Variants in SLC14A2 observed in about 807,000 individuals in gnomAD.
The protein encoded by SLC14A2 is urea transporter 2.
SLC14A2 carries 91 observed loss-of-function variants against 104.6 expected under a neutral mutation model. The observed-to-expected ratio is 0.87, with a 90% CI of 0.73 to 1.04. SLC14A2 has a LOEUF of 1.04. SLC14A2 is among the 50% of genes least tolerant of loss of function. The pLI, the probability that SLC14A2 is intolerant of heterozygous loss-of-function variation, is 0.00. For missense variants in SLC14A2, 1,189 were observed against 1,156.0 expected (o/e 1.03, Z -0.41); for synonymous variants, 476 against 466.4 (o/e 1.02, Z -0.27).
At chr18:45,536,179 A>C (rs2043778684) in intron 2 of SLC14A2, among the ~76,000 whole-genome samples, 1 of 152,140 alleles carries the variant, frequency 6.6e-6, no homozygotes, top group Non-Finnish European at 1.5e-5. Flanking sequence ...TTGTGCCCTG[A>C]GGTGGTGTCC....
intron 1 of SLC14A2, among the ~76,000 whole-genome samples, chr18:45,308,832 T>C (rs9952980): frequency 0.49 from 74,188 of 152,162 alleles, 22,267 homozygotes; most frequent in African/African-American, 0.86. Context: ...CTTTAAAATG[T>C]CACCATGACC....
the SLC14A2 span, among the ~76,000 whole-genome samples, chr18:45,202,033 T>C: frequency 1.3e-5 from 2 of 152,252 alleles, no homozygotes; most frequent in African/African-American, 4.8e-5. Flanking sequence ...CTTGGAGATA[T>C]ACTAAATTTC....
chr18:45,192,650 T>C, the SLC14A2 span, among the ~76,000 whole-genome samples: 1 of 148,286 alleles, frequency 6.7e-6, no homozygotes, highest in African/African-American at 2.6e-5. Context: ...TTTTTTTGTT[T>C]TGTTTTGTTT....
rs1167655152 is a variant in SLC14A2 at position 45,663,891 on chromosome 18, T to A, written c.1458T>A (p.Ile486=). ...RSVFHIEWSS[I]RRRSKVFGKG... is the part of the protein sequence containing the mutation. ...TATTTCACATCGAGTGGTCATCCAT[T>A]CGGAGGAGGAGCAAAGGTGTGCATG... Residue 486 remains isoleucine (I), a synonymous_variant, in exon 11 of 20, where the codon ATT becomes ATA. Coordinates refer to ENST00000255226, the MANE Select transcript of SLC14A2 (RefSeq NM_007163.4). 3.1e-6 allele frequency: 5 copies of A among 1,613,022 alleles called. No individual in the cohort carries two copies. In the African/African-American group the frequency reaches 6.7e-5, roughly 22 times the overall value.
Position 45,315,736 on chromosome 18 carries a change from T to C in SLC14A2, c.-125+102545T>C, listed in dbSNP as rs141290282. The stretch of plus-strand genomic sequence containing the variant: ...CAAGTGGTCCACAAACCCTCCACTA[T>C]CCTCAAGCAGGCATCACATAGTAGT... On this transcript the variant is annotated intron_variant, in intron 1 of 20. Coordinates refer to the SLC14A2 transcript ENST00000586448. Among the ~76,000 whole-genome samples, 25 of 152,282 alleles carry C rather than the reference T, an allele frequency of 1.6e-4. No individual in the cohort carries two copies. In the East Asian group the frequency reaches 3.9e-3, roughly 24 times the overall value.
intron 1 of SLC14A2, among the ~76,000 whole-genome samples, chr18:45,412,092 G>A (rs774555289): frequency 4.2e-4 from 64 of 152,176 alleles, no homozygotes; most frequent in Non-Finnish European, 7.8e-4. Context: ...CAAGTATTTT[G>A]TTGTTGTTAG....
chr18:45,252,334 T>A (rs940323906), intron 1 of SLC14A2, among the ~76,000 whole-genome samples: 1 of 152,224 alleles, frequency 6.6e-6, no homozygotes, highest in African/African-American at 2.4e-5. Flanking sequence ...CCTCAGAAAT[T>A]ATCTGTATCT....
rs201837052 is a variant in SLC14A2, at chr18:45,608,442, G to A, written c.-34-16189G>A. Among the ~76,000 whole-genome samples the A allele has an allele frequency of 9.8e-5, 15 of 152,314 alleles. No homozygotes were observed. The South Asian group carries it at 1.2e-3, about 13-fold the overall frequency. On this transcript the variant is annotated intron_variant, in intron 2 of 20. Transcript: ENST00000586448. Reference sequence around the variant, plus strand: ...AGGATTCTGTGCCCAACATGGCTCCGGAGTAAGTAGAAGAGCTGCAATTTG... The same window carrying A: ...AGGATTCTGTGCCCAACATGGCTCCAGAGTAAGTAGAAGAGCTGCAATTTG...
chr18:45,414,862 CA>C (rs2086259342), intron 1 of SLC14A2, among the ~76,000 whole-genome samples: 1 of 147,198 alleles, frequency 6.8e-6, no homozygotes, highest in Non-Finnish European at 1.5e-5. Context: ...TGTAATTCCC[CA>C]GCCTTCCCTT....
chr18:45,669,462 G>A lies in SLC14A2; in HGVS notation c.2193G>A (p.Met731Ile), dbSNP rs113612322. ...CGCTGCTGCAGCCTGCATCCGCCAT[G>A]CCCAACATCACCTGGTCAGAGGTCC... The part of the protein sequence containing the change: ...PTTLLQPASA[M>I]PNITWSEVQV... Residue 731 changes from methionine (M) to isoleucine (I), a missense_variant, in exon 16 of 20, where the codon ATG (methionine) becomes ATA (isoleucine). Met to Ile is a conservative substitution (Grantham distance 10, BLOSUM62 1). Coordinates refer to ENST00000255226, the MANE Select transcript of SLC14A2 (RefSeq NM_007163.4). The A allele has an allele frequency of 3.7e-6, 6 of 1,613,948 alleles. No individual in the cohort carries two copies. In the African/African-American group the frequency reaches 4.0e-5, roughly 11 times the overall value.
intron 1 of SLC14A2, among the ~76,000 whole-genome samples, chr18:45,439,932 C>T (rs1235579114): frequency 6.6e-6 from 1 of 152,196 alleles, no homozygotes; most frequent in Non-Finnish European, 1.5e-5. Context: ...AAGACCATTT[C>T]CTTACAGGAG....
In SLC14A2 at chr18:45,669,354, C is replaced by T; in HGVS notation, c.2085C>T (p.Leu695=). 6.2e-7 allele frequency: 1 copy of T among 1,614,132 alleles called. No homozygotes were observed. The highest frequency in any genetic ancestry group is 8.5e-7 in the Non-Finnish European group (1 of 1,179,972). The stretch of plus-strand genomic sequence containing the variant: ...GTACCATCTTCAGCAAGTGGGACCT[C>T]CCAGTCTTCACACTGCCCTTCAATA... ...ALGTIFSKWD[L]PVFTLPFNIT... Residue 695 remains leucine (L), a synonymous_variant, in exon 16 of 20, where the codon CTC becomes CTT. Transcript: ENST00000255226.
intron 2 of SLC14A2, among the ~76,000 whole-genome samples, chr18:45,540,982 G>GA (rs2043875331): frequency 6.6e-6 from 1 of 152,152 alleles, no homozygotes; most frequent in African/African-American, 2.4e-5. Context: ...GGGAAGGGGT[G>GA]AGGCTGAAGG....
chr18:45,178,267 A>G, the SLC14A2 span, among the ~76,000 whole-genome samples: 1 of 151,468 alleles, frequency 6.6e-6, no homozygotes. Context: ...TGAAAATTTG[A>G]AAACAGTTTT....
the SLC14A2 span, among the ~76,000 whole-genome samples, chr18:45,195,733 T>C: frequency 2.8e-4 from 42 of 152,312 alleles, no homozygotes; most frequent in African/African-American, 1.0e-3. Flanking sequence ...AAGTAACTTC[T>C]ATATCAGAGT....
intron 2 of SLC14A2, chr18:45,515,305 G>A (rs1185232472): frequency 6.6e-6 from 1 of 152,216 alleles, no homozygotes; most frequent in Admixed American, 6.5e-5. Context: ...ATTTTAAGGA[G>A]CAATGATTAT....
intron 1 of SLC14A2, among the ~76,000 whole-genome samples, chr18:45,217,764 C>CTA (rs2084023983): frequency 6.6e-6 from 1 of 152,050 alleles, no homozygotes; most frequent in African/African-American, 2.4e-5. Flanking sequence ...GTTGGTCCTT[C>CTA]TATATATTCA....
intron 1 of SLC14A2, among the ~76,000 whole-genome samples, chr18:45,346,986 AAT>A (rs753420242): frequency 7.0e-6 from 1 of 143,654 alleles, no homozygotes; most frequent in African/African-American, 2.9e-5. Context: ...AATAAAAATA[AAT>A]AAATAAATAA....
intron 1 of SLC14A2, among the ~76,000 whole-genome samples, chr18:45,256,899 G>A (rs992182546): frequency 1.3e-5 from 2 of 152,250 alleles, no homozygotes; most frequent in Non-Finnish European, 2.9e-5. Flanking sequence ...AGTACCCTGT[G>A]ATGTCCCTTA....
Sources: gnomAD v4.1 joint callset for allele counts (sites outside exome capture counted in the v4.1 genomes callset) on GRCh38, gnomAD v4.1.1 for gene constraint, MANE v1.5 for transcripts, NCBI Gene and HGNC (gene_info 2026-07-23, HGNC 2026-07-21) for gene names.